ZNF280D: variants seen among roughly 807,000 people sequenced by gnomAD.
The protein encoded by ZNF280D is suppressor of hairy wing homolog 4.
A neutral mutation model predicts 94.7 loss-of-function variants in ZNF280D; 39 were observed. The ratio of observed to expected loss-of-function variants is 0.41; its 90% CI spans 0.32 to 0.54. The LOEUF (loss-of-function observed/expected upper bound fraction) is 0.54, where lower values mean the gene tolerates loss of function less well. ZNF280D is among the 20% of genes least tolerant of loss of function. ZNF280D has a pLI of 0.22. For synonymous variants in ZNF280D, 398 were observed against 377.6 expected, an observed-to-expected ratio of 1.05 and a Z score of -0.63; for missense variants, 1,090 against 1,149.3, an observed-to-expected ratio of 0.95 and a Z score of 0.75.
At position 56,682,486 on chromosome 15, in the gene ZNF280D, G is replaced by GAAA. The variant is rs760502258; in HGVS notation, c.781-12_781-10dup. The GAAA allele has an allele frequency of 2.1e-3, 1,053 of 505,990 alleles. No homozygotes were observed. The highest frequency in any genetic ancestry group is 4.4e-3 in the South Asian group (110 of 24,786). The allele number at this position is 505,990 out of a possible 1,614,324, so 31.3% of individuals were successfully genotyped here. A position where few individuals can be genotyped will look rare whatever the true frequency, so the allele number is the denominator to read the frequency against. ...ATGTCTGGACAACAATACTGAAAGA[G>GAAA]AAAAAAAAAAAAAAAAAACAAGCCT... On this transcript the variant is annotated splice_polypyrimidine_tract_variant and intron_variant, in intron 9 of 21. Transcript: ENST00000267807.
rs1186348361 is a variant in ZNF280D, at chr15:56,631,344, T to C, written c.*154A>G. ...TGCTATTATTGGTGAATTGATTTGTTTGATAACATAGGTTGAACATACAGG... is the reference window on the plus strand; with the variant it reads ...TGCTATTATTGGTGAATTGATTTGTCTGATAACATAGGTTGAACATACAGG... On this transcript the variant is annotated 3_prime_UTR_variant, in exon 22 of 22. Transcript: ENST00000267807. 2.1e-5 allele frequency: 16 copies of C among 780,442 alleles called. No individual in the cohort carries two copies. In the Admixed American group the frequency reaches 4.4e-4, roughly 22 times the overall value. The allele number at this position is 780,442 out of a possible 1,614,324, so 48.3% of individuals were successfully genotyped here.
intron 16 of ZNF280D, among the ~76,000 whole-genome samples, chr15:56,661,034 A>T (rs1050664638): frequency 1.3e-5 from 2 of 152,156 alleles, no homozygotes; most frequent in African/African-American, 4.8e-5. Context: ...ATATTTGCTA[A>T]ATCAATGAAT....
intron 14 of ZNF280D, among the ~76,000 whole-genome samples, 184 bp from the exon 15 acceptor site, chr15:56,667,170 G>T (rs980507557): frequency 1.3e-5 from 2 of 152,072 alleles, no homozygotes; most frequent in Non-Finnish European, 2.9e-5. Flanking sequence ...TTGATATTAA[G>T]TTGTAATATT....
intron 20 of ZNF280D, among the ~76,000 whole-genome samples, chr15:56,636,822 G>C (rs2052378631): frequency 6.6e-6 from 1 of 151,690 alleles, no homozygotes; most frequent in African/African-American, 2.4e-5. Context: ...GTTTCACTAT[G>C]TTTGTCAGCC....
intron 1 of ZNF280D, among the ~76,000 whole-genome samples, chr15:56,731,773 A>G (rs576287483): frequency 1.3e-5 from 2 of 152,326 alleles, no homozygotes; most frequent in South Asian, 4.1e-4. Flanking sequence ...AAATGCAAAT[A>G]TGGCAAAAAG....
intron 14 of ZNF280D, among the ~76,000 whole-genome samples, chr15:56,667,694 A>C (rs971276244): frequency 6.6e-6 from 1 of 152,138 alleles, no homozygotes; most frequent in Non-Finnish European, 1.5e-5. Flanking sequence ...TCAATAAGGA[A>C]GTCCTATGAC....
At chr15:56,729,708 A>G (rs2058795315) in intron 1 of ZNF280D, 2 of 152,226 alleles carry the variant, frequency 1.3e-5, no homozygotes, top group African/African-American at 4.8e-5. Context: ...TCCTCATGCA[A>G]CTAGGAAAAT....
At chr15:56,645,169 A>T (rs569842720) in intron 19 of ZNF280D, 130 of 152,322 alleles carry the variant, frequency 8.5e-4, no homozygotes, top group African/African-American at 3.0e-3. Context: ...ACCTGCTGAA[A>T]TAGTCATTAT....
chr15:56,721,593 T>A (rs2058362914), intron 1 of ZNF280D, among the ~76,000 whole-genome samples: 1 of 152,220 alleles, frequency 6.6e-6, no homozygotes, highest in Non-Finnish European at 1.5e-5. Context: ...TACTTTTATG[T>A]TATGGAGACA....
chr15:56,720,943 T>C (rs558234535), intron 1 of ZNF280D, among the ~76,000 whole-genome samples: 3 of 123,758 alleles, frequency 2.4e-5, no homozygotes, highest in East Asian at 5.3e-4. Flanking sequence ...TTTTAAAGCA[T>C]AGGCAGAGTA....
At chr15:56,649,595 C>G (rs1464313484) in intron 19 of ZNF280D, among the ~76,000 whole-genome samples, 1 of 150,844 alleles carries the variant, frequency 6.6e-6, no homozygotes, top group African/African-American at 2.4e-5. Context: ...AAAATGAACT[C>G]AATAGATCAG....
In ZNF280D at chr15:56,689,060, G is replaced by A. The variant is rs750538277; in HGVS notation, c.761C>T (p.Pro254Leu). 1.3e-4 allele frequency: 210 copies of A among 1,597,552 alleles called. No individual in the cohort carries two copies. Among genetic ancestry groups the A allele is most frequent in the Non-Finnish European group, 1.7e-4 (200 of 1,174,190 alleles). Residue 254 changes from proline to leucine, a missense_variant, in exon 9 of 22, where the codon CCT becomes CTT. Transcript: ENST00000267807. ...KCNIHFNLLD[P>L]LKNHMKYCCP... ...TTTTACCTTCATGTGATTTTTCAAA[G>A]GATCCAAAAGATTGAAATGAATGTT...
intron 20 of ZNF280D, among the ~76,000 whole-genome samples, chr15:56,636,500 T>TA (rs2052357721): frequency 1.3e-5 from 2 of 150,932 alleles, no homozygotes; most frequent in African/African-American, 2.4e-5. Context: ...TTTTTTTTTT[T>TA]TTTGACAGAG....
intron 1 of ZNF280D, among the ~76,000 whole-genome samples, chr15:56,717,875 C>A (rs2058130391): frequency 6.6e-6 from 1 of 152,104 alleles, no homozygotes; most frequent in Non-Finnish European, 1.5e-5. Context: ...TACAGGGAGG[C>A]AGACTTCATC....
chr15:56,640,287 T>C (rs2052565756), intron 20 of ZNF280D, among the ~76,000 whole-genome samples: 2 of 152,028 alleles, frequency 1.3e-5, no homozygotes, highest in African/African-American at 2.4e-5. Context: ...TGGTGTGTTT[T>C]TGTTTTGTTT....
intron 14 of ZNF280D, chr15:56,668,378 C>G: frequency 3.1e-6 from 1 of 317,710 alleles, no homozygotes; most frequent in South Asian, 2.4e-5. Flanking sequence ...ACTTGCTTCT[C>G]AGAGTAAACT....
intron 6 of ZNF280D, among the ~76,000 whole-genome samples, chr15:56,697,519 T>C (rs1052459616): frequency 2.5e-4 from 38 of 152,214 alleles, no homozygotes; most frequent in African/African-American, 8.7e-4. Flanking sequence ...AGAAATAGCC[T>C]GTAGAACCTT....
At chr15:56,671,370 T>C (rs1425715091) in intron 13 of ZNF280D, among the ~76,000 whole-genome samples, 6 of 152,098 alleles carry the variant, frequency 3.9e-5, no homozygotes, top group African/African-American at 1.2e-4. Context: ...AAGGAAGGGG[T>C]CCAGTTTCAG....
At chr15:56,638,733 G>A (rs1333010114) in intron 20 of ZNF280D, among the ~76,000 whole-genome samples, 1 of 151,972 alleles carries the variant, frequency 6.6e-6, no homozygotes, top group Non-Finnish European at 1.5e-5. Context: ...TTTGACAATA[G>A]TTTTAAAATA....
Sources: allele counts gnomAD v4.1 joint callset (sites outside exome capture counted in the v4.1 genomes callset), GRCh38; gene constraint gnomAD v4.1.1; transcripts MANE v1.5; gene names NCBI Gene and HGNC (gene_info 2026-07-23, HGNC 2026-07-21).